HOXB3: variants seen among roughly 807,000 people sequenced by gnomAD.
The protein encoded by HOXB3 is homeobox B3, also known as homeobox protein Hox-B3.
Under a neutral mutation model 29.2 loss-of-function variants are expected in HOXB3, and 17 were observed. That is an observed-to-expected ratio of 0.58 (90% CI 0.40 to 0.87). The LOEUF (loss-of-function observed/expected upper bound fraction) is 0.87. Among genes scored for constraint, HOXB3 ranks in the 40% least tolerant of loss-of-function variants. The probability of loss-of-function intolerance (pLI) is 0.00; values close to 1 mark genes in which losing one functional copy is unlikely to be tolerated. For missense variants in HOXB3, 637 were observed against 616.3 expected (o/e 1.03, Z -0.35); for synonymous variants, 317 against 285.9 (o/e 1.11, Z -1.10).
intron 2 of HOXB3, among the ~76,000 whole-genome samples, chr17:48,568,250 C>T (rs919173893): frequency 2.6e-5 from 4 of 152,204 alleles, no homozygotes; most frequent in Non-Finnish European, 5.9e-5. Context: ...GCTCTGTCTG[C>T]TGCTGCAGGA....
At chr17:48,588,461 G>A (rs1235613299) in intron 1 of HOXB3, among the ~76,000 whole-genome samples, 1 of 152,206 alleles carries the variant, frequency 6.6e-6, no homozygotes. Flanking sequence ...GCTTCCAGAA[G>A]GGCTTTCAGA....
intron 1 of HOXB3, chr17:48,578,208 A>C (rs2069834673): frequency 2.5e-6 from 4 of 1,613,698 alleles, no homozygotes; most frequent in Non-Finnish European, 3.4e-6. Flanking sequence ...CCGCCGGCGT[A>C]GTACCCGGGC....
rs1003526980 is a variant in HOXB3 at position 48,578,497 on chromosome 17, G to A, written c.-424-4483C>T. The stretch of plus-strand genomic sequence containing the variant: ...CCCGGATAAGGAAATCTGCTCACCC[G>A]GACCCCACTCCAGCCAAAGAGGTTT... On this transcript the variant is annotated intron_variant, in intron 1 of 4. Transcript: ENST00000498678. 16 of 717,426 alleles carry A rather than the reference G, an allele frequency of 2.2e-5. No homozygotes were observed. In the African/African-American group the frequency reaches 2.9e-4, roughly 13 times the overall value. 44.4% of individuals were successfully genotyped at this position (717,426 alleles called of 1,614,324 possible). A position where few individuals can be genotyped will look rare whatever the true frequency, so the allele number is the denominator to read the frequency against.
At chr17:48,576,895 T>G in intron 1 of HOXB3, 1 of 1,614,190 alleles carries the variant, frequency 6.2e-7, no homozygotes, top group East Asian at 2.2e-5. Context: ...GCGTGGGCGA[T>G]CTCCACCCTC....
intron 1 of HOXB3, chr17:48,576,117 G>A (rs2069750216): frequency 6.5e-6 from 1 of 152,702 alleles, no homozygotes. Context: ...GAGTGTGTGT[G>A]TGTTACCGTG....
rs143929677 is a variant in HOXB3 at position 48,557,980 on chromosome 17, A to G, written c.-246-2362T>C. ...GCTTGGTGGGTCAGGGACTCAGGCCAGGGAGGCTTCCAGAGGCTTAAAGAA... is the reference window on the plus strand; with the variant it reads ...GCTTGGTGGGTCAGGGACTCAGGCCGGGGAGGCTTCCAGAGGCTTAAAGAA... On this transcript the variant is annotated intron_variant, in intron 2 of 4. Transcript: ENST00000498678. Among the ~76,000 whole-genome samples the G allele has an allele frequency of 6.0e-3, 907 of 152,180 alleles. 9 individuals are homozygous for G. Among genetic ancestry groups the G allele is most frequent in the African/African-American group, 0.021 (854 of 41,526 alleles).
At chr17:48,571,221 G>A (rs2069575105) in intron 2 of HOXB3, among the ~76,000 whole-genome samples, 1 of 152,204 alleles carries the variant, frequency 6.6e-6, no homozygotes, top group Admixed American at 6.5e-5. Context: ...ATCTGAACGC[G>A]CCAGTTTTAT....
chr17:48,555,348 G>GAGAGAGAGAGGGAGAGAT (rs2068930233), intron 3 of HOXB3, 183 bp downstream of exon 3: 2 of 489,230 alleles, frequency 4.1e-6, no homozygotes, highest in Non-Finnish European at 7.3e-6. Context: ...GAGAGAGAGA[G>GAGAGAGAGAGGGAGAGAT]AGAGAGAGAG....
At chr17:48,565,550 A>G (rs1296434510) in intron 2 of HOXB3, among the ~76,000 whole-genome samples, 2 of 152,026 alleles carry the variant, frequency 1.3e-5, no homozygotes, top group South Asian at 2.1e-4. Flanking sequence ...TCTTTTTCCA[A>G]TTCTGCGTCT....
In HOXB3 at chr17:48,552,234, CG is replaced by C; in HGVS notation, c.240del (p.Glu81SerfsTer53). ...NGSCMRPGLA[P>X]EPLSAPPGSP... is the part of the protein sequence containing the mutation. ...GAGCCAGGCGGGGCCGACAGGGGCT[CG>C]GGGGCCAGACCCGGCCTCATGCAGC... On this transcript the variant is annotated frameshift_variant, in exon 4 of 5. Coordinates refer to ENST00000498678, the MANE Select transcript of HOXB3 (RefSeq NM_001384749.1). LOFTEE classifies it high-confidence loss of function. The C allele has an allele frequency of 6.2e-7, 1 of 1,612,514 alleles. No homozygotes were observed. Among genetic ancestry groups the C allele is most frequent in the Non-Finnish European group, 8.5e-7 (1 of 1,179,688 alleles).
chr17:48,565,482 T>A (rs1182399608), intron 2 of HOXB3, among the ~76,000 whole-genome samples: 1 of 152,074 alleles, frequency 6.6e-6, no homozygotes, highest in Non-Finnish European at 1.5e-5. Context: ...CTGTGTTGGG[T>A]CTCTCTGTCT....
chr17:48,578,078 G>A, intron 1 of HOXB3: 1 of 1,056,102 alleles, frequency 9.5e-7, no homozygotes, highest in Non-Finnish European at 1.2e-6. Context: ...CGGGGGCGGC[G>A]GGGGTGGTGG....
At chr17:48,567,333 C>T (rs941788704) in intron 2 of HOXB3, among the ~76,000 whole-genome samples, 6 of 152,222 alleles carry the variant, frequency 3.9e-5, no homozygotes, top group African/African-American at 1.4e-4. Context: ...CTCTAACTTC[C>T]CTGCTCAAAG....
intron 2 of HOXB3, among the ~76,000 whole-genome samples, chr17:48,558,960 A>T (rs2069097654): frequency 6.6e-6 from 1 of 151,826 alleles, no homozygotes; most frequent in Non-Finnish European, 1.5e-5. Flanking sequence ...AGAGAGAGAA[A>T]GGAGGAGAAA....
rs2068631247 is a variant in HOXB3, at chr17:48,549,432, T to TG, written c.*901dup. The stretch of plus-strand genomic sequence containing the variant: ...GAGGCTGAGCAAGGCACACAGGCCC[T>TG]GCCCAGCCCCTGCCTGGGACAGTTT... On this transcript the variant is annotated 3_prime_UTR_variant, in exon 5 of 5. Transcript: ENST00000498678. The TG allele has an allele frequency of 9.7e-6, 1 of 103,614 alleles. No individual in the cohort carries two copies. The highest frequency in any genetic ancestry group is 2.1e-5 in the Non-Finnish European group (1 of 47,850). The allele number at this position is 103,614 out of a possible 1,614,324, so 6.4% of individuals were successfully genotyped here.
Position 48,557,668 on chromosome 17 carries a change from T to C in HOXB3, c.-246-2050A>G, listed in dbSNP as rs138090168. Among the ~76,000 whole-genome samples the C allele has an allele frequency of 3.9e-3, 589 of 152,160 alleles. 3 individuals carry two copies. The highest frequency in any genetic ancestry group is 0.013 in the African/African-American group (549 of 41,508). On this transcript the variant is annotated intron_variant, in intron 2 of 4. Coordinates refer to ENST00000498678, the MANE Select transcript of HOXB3 (RefSeq NM_001384749.1). The stretch of plus-strand genomic sequence containing the variant: ...AGGACCCCACCTCCCACCTAGAAAG[T>C]TGACAGCTGGGGGGAAGCACGGGTT...
intron 2 of HOXB3, among the ~76,000 whole-genome samples, chr17:48,570,326 T>C (rs1015127447): frequency 9.2e-5 from 14 of 152,110 alleles, no homozygotes; most frequent in African/African-American, 2.2e-4. Flanking sequence ...CCATCCAAAC[T>C]TGACCAGTTA....
chr17:48,552,362 T>C lies in HOXB3; in HGVS notation c.113A>G (p.Gln38Arg). The change falls in exon 4 of 5, where the codon CAG becomes CGG. Residue 38 changes from glutamine to arginine, a missense_variant. By Grantham distance (43) the Gln-to-Arg change is conservative. Coordinates refer to ENST00000498678, the MANE Select transcript of HOXB3 (RefSeq NM_001384749.1). Reference sequence around the variant, plus strand: ...GTCGCCCTCCAGGTGCGTGGCGGCCTGAAATGGGGGTTGGGGGGGGACATC... The same window carrying C: ...GTCGCCCTCCAGGTGCGTGGCGGCCCGAAATGGGGGTTGGGGGGGGACATC... ...GFDVPPQPPF[Q>R]AATHLEGDYQ... 1 of 1,613,538 alleles carries C rather than the reference T, an allele frequency of 6.2e-7. No individual in the cohort carries two copies. The highest frequency in any genetic ancestry group is 1.1e-5 in the South Asian group (1 of 91,038).
At chr17:48,555,749 C>A in intron 2 of HOXB3, 131 bp from the exon 3 acceptor site, 1 of 640,022 alleles carries the variant, frequency 1.6e-6, no homozygotes, top group Non-Finnish European at 2.8e-6. Context: ...GCGCGGCGTC[C>A]GCTTCAATTC....
Sources: allele counts gnomAD v4.1 joint callset (sites outside exome capture counted in the v4.1 genomes callset), GRCh38; gene constraint gnomAD v4.1.1; transcripts MANE v1.5; gene names NCBI Gene and HGNC (gene_info 2026-07-23, HGNC 2026-07-21).